Variants in ADGRG5 observed in about 807,000 individuals in gnomAD.
ADGRG5 encodes the protein G protein-coupled receptor 114.
Under a neutral mutation model 53.2 loss-of-function variants are expected in ADGRG5, and 37 were observed. That is an observed-to-expected ratio of 0.70 (90% CI 0.53 to 0.91). The LOEUF is 0.91. Ranked by LOEUF, ADGRG5 falls within the 40% of genes least tolerant of loss-of-function variation. The probability of loss-of-function intolerance (pLI) is 0.00; values close to 1 mark genes in which losing one functional copy is unlikely to be tolerated. For synonymous variants in ADGRG5, 277 were observed against 290.4 expected, an observed-to-expected ratio of 0.95 and a Z score of 0.47; for missense variants, 614 against 675.8, an observed-to-expected ratio of 0.91 and a Z score of 1.01.
chr16:57,532,715 ACAC>A, the ADGRG5 span, among the ~76,000 whole-genome samples: 1 of 151,824 alleles, frequency 6.6e-6, no homozygotes, highest in Non-Finnish European at 1.5e-5. Flanking sequence ...ACACACACAC[ACAC>A]ACACACACAC....
At chr16:57,529,875 C>A in the ADGRG5 span, among the ~76,000 whole-genome samples, 3 of 152,182 alleles carry the variant, frequency 2.0e-5, no homozygotes, top group African/African-American at 7.2e-5. The surrounding 1 kb of genome is among the most constrained non-coding windows in gnomAD (Gnocchi z 4.1). Context: ...TGGTCCAGGA[C>A]TGGGTCCTGA....
intron 1 of ADGRG5, among the ~76,000 whole-genome samples, chr16:57,560,063 G>A (rs1340107879): frequency 2.0e-5 from 3 of 152,134 alleles, no homozygotes; most frequent in African/African-American, 4.8e-5. Context: ...CTATTCGATA[G>A]TCTATCTACT....
the ADGRG5 span, among the ~76,000 whole-genome samples, chr16:57,536,038 C>G: frequency 6.6e-6 from 1 of 152,172 alleles, no homozygotes; most frequent in East Asian, 1.9e-4. Context: ...GGGTTCCCGG[C>G]CCGCGCCGCG....
Position 57,574,858 on chromosome 16 carries a change from G to T in ADGRG5, c.1252G>T (p.Gly418Cys). 6.2e-7 allele frequency: 1 copy of T among 1,609,846 alleles called. No individual in the cohort carries two copies. ...SPVVHSVLVM[G>C]YGGLTSLFNL... The stretch of plus-strand genomic sequence containing the variant: ...CGTGGTGCACAGTGTCCTGGTCATG[G>T]GCTACGGCGGCCTCACGTCCCTCTT... Residue 418 changes from glycine (G) to cysteine (C), a missense_variant, in exon 11 of 12, where the codon GGC (glycine) becomes TGC (cysteine). Gly to Cys is a radical substitution (Grantham distance 159). Coordinates refer to ENST00000349457, the MANE Select transcript of ADGRG5 (RefSeq NM_001304376.3). The surrounding 1 kb of genome is among the most constrained non-coding windows in gnomAD (Gnocchi z 4.4).
chr16:57,571,066 G>T (rs936361306), intron 10 of ADGRG5, among the ~76,000 whole-genome samples: 1 of 151,402 alleles, frequency 6.6e-6, no homozygotes, highest in Non-Finnish European at 1.5e-5. Context: ...TTTTTTAATA[G>T]CCCCTCCCTG....
chr16:57,563,720 CT>C, intron 4 of ADGRG5, 127 bp from the exon 5 acceptor site: 1 of 1,211,270 alleles, frequency 8.3e-7, no homozygotes, highest in Non-Finnish European at 1.2e-6. Flanking sequence ...GAGATGCAGC[CT>C]GGGGGGAGAA....
Position 57,567,517 on chromosome 16 carries a change from G to A in ADGRG5, c.747G>A (p.Thr249=), listed in dbSNP as rs138227846. Residue 249 remains threonine (T), a synonymous_variant, in exon 8 of 12, where the codon ACG becomes ACA. Transcript: ENST00000349457. ...CTGCAGAGTTGCTGGCACCTCTTAC[G>A]TACATCTCCCTCGTGGGCTGCAGCA... ...LVPAELLAPL[T]YISLVGCSIS... 16 of 1,611,398 alleles carry A rather than the reference G, an allele frequency of 9.9e-6. No homozygotes were observed. The Admixed American group carries it at 1.3e-4, about 13-fold the overall frequency.
At chr16:57,535,117 G>A in the ADGRG5 span, among the ~76,000 whole-genome samples, 1 of 152,220 alleles carries the variant, frequency 6.6e-6, no homozygotes, top group Non-Finnish European at 1.5e-5. Flanking sequence ...AGAGCCCAGT[G>A]GGAAACCACA....
intron 6 of ADGRG5, chr16:57,566,275 T>C (rs924397306): frequency 4.2e-6 from 1 of 240,830 alleles, no homozygotes; most frequent in Non-Finnish European, 8.0e-6. Flanking sequence ...GAGCGCCTAC[T>C]GTATAAAAGG....
At position 57,574,564 on chromosome 16, in the gene ADGRG5, G is replaced by A. The variant is rs1167233408; in HGVS notation, c.1209-251G>A. ...AATTTTCAGGGGGGTGAAGACATGG[G>A]GACGTGAGAGAAACCACTGTGGCTG... is the stretch of plus-strand genomic sequence containing the variant. On this transcript the variant is annotated intron_variant, in intron 10 of 11. Coordinates refer to ENST00000349457, the MANE Select transcript of ADGRG5 (RefSeq NM_001304376.3). The surrounding 1 kb of genome is among the most constrained non-coding windows in gnomAD (Gnocchi z 4.4). Among the ~76,000 whole-genome samples the A allele has an allele frequency of 6.6e-6, 1 of 152,234 alleles. No individual in the cohort carries two copies. Among genetic ancestry groups the A allele is most frequent in the Non-Finnish European group, 1.5e-5 (1 of 68,042 alleles).
At chr16:57,546,360 A>G (rs1183459720) in intron 1 of ADGRG5, among the ~76,000 whole-genome samples, 1 of 152,188 alleles carries the variant, frequency 6.6e-6, no homozygotes, top group Non-Finnish European at 1.5e-5. Flanking sequence ...TCCTGAGCTC[A>G]AATGATCCTC....
At chr16:57,564,420 C>T (rs569793451) in intron 5 of ADGRG5, among the ~76,000 whole-genome samples, 4 of 152,136 alleles carry the variant, frequency 2.6e-5, no homozygotes, top group South Asian at 4.2e-4. Flanking sequence ...AGCAATTCCC[C>T]TGCCTCAGCC....
chr16:57,531,542 C>T, the ADGRG5 span, among the ~76,000 whole-genome samples: 6 of 152,170 alleles, frequency 3.9e-5, no homozygotes, highest in Non-Finnish European at 4.4e-5. Flanking sequence ...ACAGCAACAG[C>T]CAGAGTGAGT....
upstream of ADGRG5, among the ~76,000 whole-genome samples, chr16:57,541,745 A>G (rs192062747): frequency 6.6e-6 from 1 of 152,258 alleles, no homozygotes; most frequent in East Asian, 1.9e-4. Flanking sequence ...CCCAGGCAAG[A>G]GAGAGCACCG....
At position 57,549,611 on chromosome 16, in the gene ADGRG5, T is replaced by A. The variant is rs554290318; in HGVS notation, c.-39+6910T>A. Among the ~76,000 whole-genome samples, 18 of 152,324 alleles carry A rather than the reference T, an allele frequency of 1.2e-4. No individual in the cohort carries two copies. The East Asian group carries it at 3.5e-3, about 29-fold the overall frequency. On this transcript the variant is annotated intron_variant, in intron 1 of 11. Coordinates refer to ENST00000349457, the MANE Select transcript of ADGRG5 (RefSeq NM_001304376.3). ...AAAATTCACCCTTTTGGAGAGGAGT[T>A]TTTGCATTTTGACAGATGTGTACAG...
upstream of ADGRG5, among the ~76,000 whole-genome samples, chr16:57,541,779 C>T (rs138107993): frequency 4.3e-3 from 662 of 152,356 alleles, 5 homozygotes; most frequent in African/African-American, 0.015. Flanking sequence ...AACACTCTCT[C>T]TCTATCCCCC....
upstream of ADGRG5, among the ~76,000 whole-genome samples, chr16:57,539,559 C>G (rs1256107164): frequency 2.0e-5 from 3 of 150,214 alleles, no homozygotes; most frequent in African/African-American, 7.4e-5. Flanking sequence ...CTCAAGCGGT[C>G]CTCCCACCTC....
At chr16:57,569,124 C>T (rs539030370) in intron 9 of ADGRG5, among the ~76,000 whole-genome samples, 33 of 151,170 alleles carry the variant, frequency 2.2e-4, no homozygotes, top group African/African-American at 8.0e-4. Context: ...CCTTCTTCAC[C>T]ACCATGATCA....
intron 3 of ADGRG5, 103 bp from the exon 4 acceptor site, chr16:57,562,988 G>A: frequency 1.8e-6 from 2 of 1,089,302 alleles, no homozygotes; most frequent in East Asian, 4.8e-5. Context: ...GTGTGACAGA[G>A]GTGTGGGTGG....
Sources: gnomAD v4.1 joint callset for allele counts (sites outside exome capture counted in the v4.1 genomes callset) on GRCh38, gnomAD v4.1.1 for gene constraint, Gnocchi (gnomAD v3.1) non-coding constraint, MANE v1.5 for transcripts, NCBI Gene and HGNC (gene_info 2026-07-23, HGNC 2026-07-21) for gene names.